PKNOX1: variants seen among roughly 807,000 people sequenced by gnomAD.
PKNOX1 encodes homeobox protein PKNOX1.
A neutral mutation model predicts 51.9 loss-of-function variants in PKNOX1; 15 were observed. That is an observed-to-expected ratio of 0.29 (90% CI 0.19 to 0.45). The LOEUF is 0.45. Ranked by LOEUF, PKNOX1 falls within the 20% of genes least tolerant of loss-of-function variation. The pLI is 1.00. For synonymous variants in PKNOX1, 219 were observed against 211.1 expected, an observed-to-expected ratio of 1.04 and a Z score of -0.32; for missense variants, 462 against 547.5, an observed-to-expected ratio of 0.84 and a Z score of 1.56.
rs147971458 is a variant in PKNOX1, at chr21:43,015,614, C to G, written c.523-1294C>G. ...CATAAAATGGATTGGGAAGTATTCC[C>G]TCCTCTTATTTTTTTCTGGAGATTA... On this transcript the variant is annotated intron_variant, in intron 5 of 10. Transcript: ENST00000291547. 1.1e-4 allele frequency among the ~76,000 whole-genome samples: 16 copies of G among 152,194 alleles called. No homozygotes were observed. In the East Asian group the frequency reaches 2.9e-3, roughly 28 times the overall value.
intron 1 of PKNOX1, among the ~76,000 whole-genome samples, chr21:42,975,536 A>T (rs984709482): frequency 3.3e-5 from 5 of 152,238 alleles, no homozygotes; most frequent in African/African-American, 1.2e-4. Flanking sequence ...CGTGTCACTT[A>T]ACGAAAAATG....
intron 8 of PKNOX1, among the ~76,000 whole-genome samples, chr21:43,022,086 C>G (rs34520496): frequency 0.035 from 5,343 of 152,258 alleles, 133 homozygotes; most frequent in Middle Eastern, 0.061. Flanking sequence ...GCGGGGCTCT[C>G]CTGGGACAAG....
chr21:43,007,558 T>C lies in PKNOX1; in HGVS notation c.119T>C (p.Val40Ala). The C allele has an allele frequency of 3.7e-6, 6 of 1,613,872 alleles. No individual in the cohort carries two copies. Among genetic ancestry groups the C allele is most frequent in the Non-Finnish European group, 4.2e-6 (5 of 1,179,886 alleles). ...TGCTCTGAACCCGATGCAGAAGGAG[T>C]GAGCCCTCCCCCTGTGGAGTCTCAG... ...PNCSEPDAEG[V>A]SPPPVESQTP... Residue 40 changes from valine to alanine, a missense_variant, in exon 3 of 11, where the codon GTG becomes GCG. Val to Ala is a moderately conservative substitution (Grantham distance 64). Coordinates refer to ENST00000291547, the MANE Select transcript of PKNOX1 (RefSeq NM_004571.5).
intron 10 of PKNOX1, 85 bp from the exon 11 acceptor site, chr21:43,029,805 A>T: frequency 8.7e-7 from 1 of 1,145,840 alleles, no homozygotes; most frequent in Non-Finnish European, 1.3e-6. Context: ...TTTAGGTCAA[A>T]CGAGCAAACA....
At chr21:43,004,497 C>CAAGTATACAAAGCAATG in intron 2 of PKNOX1, 65 bp downstream of exon 2, 2 of 1,034,880 alleles carry the variant, frequency 1.9e-6, no homozygotes, top group Non-Finnish European at 3.1e-6. Flanking sequence ...ATGAACATTG[C>CAAGTATACAAAGCAATG]TTTGTATACT....
intron 1 of PKNOX1, among the ~76,000 whole-genome samples, chr21:43,001,075 G>A (rs529642080): frequency 6.6e-6 from 1 of 152,274 alleles, no homozygotes; most frequent in African/African-American, 2.4e-5. Context: ...TTGGAGGAGA[G>A]CCAGGTTATG....
chr21:42,986,893 A>G (rs867305386), intron 1 of PKNOX1, among the ~76,000 whole-genome samples: 1 of 152,162 alleles, frequency 6.6e-6, no homozygotes, highest in South Asian at 2.1e-4. Context: ...GTGGCTGCTC[A>G]TTAGTCAACA....
At chr21:43,011,909 T>A (rs1478449699) in intron 4 of PKNOX1, among the ~76,000 whole-genome samples, 2 of 152,132 alleles carry the variant, frequency 1.3e-5, no homozygotes, top group Non-Finnish European at 2.9e-5. Context: ...CACCCCTGAG[T>A]CTGTGGTCCA....
rs1307783099 is a variant in PKNOX1, at chr21:43,033,267, C to G, written c.*3166C>G. 6.6e-6 allele frequency: 1 copy of G among 152,342 alleles called. No homozygotes were observed. The highest frequency in any genetic ancestry group is 1.5e-5 in the Non-Finnish European group (1 of 68,040). The allele number at this position is 152,342 out of a possible 1,614,324, so 9.4% of individuals were successfully genotyped here. A position where few individuals can be genotyped will look rare whatever the true frequency, so the allele number is the denominator to read the frequency against. ...AAAGAAACCCTCACGGCTAAGGGCT[C>G]TGGGAGTTGTGTCTGTGTGACCTGA... On this transcript the variant is annotated 3_prime_UTR_variant, in exon 11 of 11. Coordinates refer to ENST00000291547, the MANE Select transcript of PKNOX1 (RefSeq NM_004571.5).
intron 9 of PKNOX1, 111 bp downstream of exon 9, chr21:43,025,058 T>C: frequency 1.4e-6 from 1 of 711,086 alleles, no homozygotes; most frequent in Admixed American, 2.5e-5. Context: ...TCTCTTTTTC[T>C]TTTTTCCCAA....
At chr21:42,994,977 A>T (rs546367234) in intron 1 of PKNOX1, among the ~76,000 whole-genome samples, 1 of 133,622 alleles carries the variant, frequency 7.5e-6, no homozygotes, top group South Asian at 2.3e-4. Flanking sequence ...GCTGGAGTGC[A>T]GTGGCGCAAT....
intron 1 of PKNOX1, among the ~76,000 whole-genome samples, chr21:42,988,990 C>G (rs568389472): frequency 4.6e-5 from 7 of 152,006 alleles, no homozygotes; most frequent in African/African-American, 1.2e-4. Flanking sequence ...TTTGACTTCT[C>G]AGGCTGGGGA....
At chr21:42,978,675 G>A (rs1033949683) in intron 1 of PKNOX1, among the ~76,000 whole-genome samples, 1 of 151,500 alleles carries the variant, frequency 6.6e-6, no homozygotes, top group Admixed American at 6.6e-5. Flanking sequence ...GTAGAGACAG[G>A]GTTTCGCCGT....
chr21:43,019,925 ATTTTT>A (rs60174298), intron 7 of PKNOX1, among the ~76,000 whole-genome samples: 9 of 85,882 alleles, frequency 1.0e-4, no homozygotes, highest in Non-Finnish European at 1.3e-4. Context: ...AGGTGCTCTG[ATTTTT>A]TTTTTTTTTT....
intron 7 of PKNOX1, among the ~76,000 whole-genome samples, chr21:43,019,256 C>T (rs1010856607): frequency 1.4e-5 from 2 of 142,732 alleles, no homozygotes; most frequent in African/African-American, 2.6e-5. Flanking sequence ...AGCTGGATGT[C>T]GGGTGCATGT....
At chr21:42,983,328 A>G (rs535629578) in intron 1 of PKNOX1, among the ~76,000 whole-genome samples, 2 of 152,066 alleles carry the variant, frequency 1.3e-5, no homozygotes, top group African/African-American at 4.8e-5. Context: ...GGCAACCACC[A>G]TTCTACTTCC....
intron 1 of PKNOX1, among the ~76,000 whole-genome samples, chr21:42,992,431 T>C (rs2059092280): frequency 6.6e-6 from 1 of 152,164 alleles, no homozygotes; most frequent in Non-Finnish European, 1.5e-5. Flanking sequence ...TCACAGCTAG[T>C]GTGAACCCCC....
intron 4 of PKNOX1, among the ~76,000 whole-genome samples, chr21:43,011,916 T>C (rs1979272726): frequency 6.6e-6 from 1 of 152,152 alleles, no homozygotes; most frequent in Non-Finnish European, 1.5e-5. Flanking sequence ...GAGTCTGTGG[T>C]CCACATCCAT....
chr21:43,013,224 C>G lies in PKNOX1; in HGVS notation c.508C>G (p.Pro170Ala). The G allele has an allele frequency of 6.2e-7, 1 of 1,602,008 alleles. No individual in the cohort carries two copies. The highest frequency in any genetic ancestry group is 8.5e-7 in the Non-Finnish European group (1 of 1,173,358). ...TGGAGAGCCTGGAAGCCCGTACTCA[C>G]CAGTGCAGTCCCAGGTACTTACATT... The part of the protein sequence containing the change: ...LSGEPGSPYS[P>A]VQSQQIQSAI... The change falls in exon 5 of 11, where the codon CCA becomes GCA. Residue 170 changes from proline to alanine, a missense_variant. Around this residue, in one of 5 missense-constraint regions of PKNOX1, gnomAD observed 126 missense variants for 128.1 expected, o/e 0.98. Transcript: ENST00000291547.
Sources: gnomAD v4.1 joint callset for allele counts (sites outside exome capture counted in the v4.1 genomes callset) on GRCh38, gnomAD v4.1.1 for gene constraint, gnomAD v4.1.1 regional missense constraint, MANE v1.5 for transcripts, NCBI Gene and HGNC (gene_info 2026-07-23, HGNC 2026-07-21) for gene names.